KLRG1: variants seen among roughly 807,000 people sequenced by gnomAD.
KLRG1 encodes killer cell lectin-like receptor subfamily G member 1.
Under a neutral mutation model 21.8 loss-of-function variants are expected in KLRG1, and 16 were observed. The ratio of observed to expected loss-of-function variants is 0.73; its 90% confidence interval spans 0.50 to 1.11. KLRG1 has a LOEUF of 1.11. Ranked by LOEUF, KLRG1 falls within the 50% of genes most tolerant of loss-of-function variation. The pLI is 0.00. For synonymous variants in KLRG1, 69 were observed against 75.9 expected, an observed-to-expected ratio of 0.91 and a Z score of 0.47; for missense variants, 173 against 218.3, an observed-to-expected ratio of 0.79 and a Z score of 1.31.
At chr12:9,158,470 C>T in the KLRG1 span, 1 of 1,614,132 alleles carries the variant, frequency 6.2e-7, no homozygotes, top group Non-Finnish European at 8.5e-7. Context: ...CAGCCATTGT[C>T]CTTCTGCATC....
the KLRG1 span, chr12:9,101,129 G>A: frequency 1.3e-6 from 2 of 1,555,548 alleles, no homozygotes; most frequent in South Asian, 2.4e-5. Context: ...ATGCAGAGAT[G>A]ATGGAAATAC....
At chr12:9,081,147 G>A in the KLRG1 span, among the ~76,000 whole-genome samples, 1 of 152,180 alleles carries the variant, frequency 6.6e-6, no homozygotes, top group South Asian at 2.1e-4. Context: ...TAAAGAATTA[G>A]TGTCATACAA....
At chr12:9,202,762 CTA>C in the KLRG1 span, 1 of 1,375,254 alleles carries the variant, frequency 7.3e-7, no homozygotes, top group African/African-American at 1.5e-5. Flanking sequence ...TTGCTATTTC[CTA>C]TCTCTCCTTC....
the KLRG1 span, among the ~76,000 whole-genome samples, chr12:9,122,490 T>G: frequency 6.6e-6 from 1 of 152,216 alleles, no homozygotes; most frequent in African/African-American, 2.4e-5. Flanking sequence ...ATTACTCAGA[T>G]GATGCTGATG....
chr12:8,952,013 T>C (rs1805724), intron 1 of KLRG1, among the ~76,000 whole-genome samples: 55,841 of 152,110 alleles, frequency 0.37, 11,379 homozygotes, highest in Middle Eastern at 0.47. Flanking sequence ...TGTGTTAGAA[T>C]TCTCACCTCT....
chr12:8,965,646 C>A (rs1042336448), intron 1 of KLRG1, among the ~76,000 whole-genome samples: 30 of 152,116 alleles, frequency 2.0e-4, no homozygotes, highest in African/African-American at 6.5e-4. Flanking sequence ...TGAAGGACCT[C>A]TTCAAGGAGA....
chr12:9,188,503 G>T, the KLRG1 span, among the ~76,000 whole-genome samples: 1 of 152,164 alleles, frequency 6.6e-6, no homozygotes, highest in Non-Finnish European at 1.5e-5. Flanking sequence ...ATTGAACACA[G>T]TATTGGAAGT....
chr12:9,089,831 T>G, the KLRG1 span: 3 of 982,194 alleles, frequency 3.1e-6, no homozygotes, highest in Non-Finnish European at 4.3e-6. Context: ...TTATAAAATA[T>G]CCATATATTA....
At position 8,989,684 on chromosome 12, in the gene KLRG1, C is replaced by T; in HGVS notation, c.49C>T (p.Gln17Ter). Residue 17 changes from glutamine to a stop codon, truncating the protein, a stop_gained, in exon 1 of 5, where the codon CAA becomes TAA. Transcript: ENST00000356986. LOFTEE classifies it high-confidence loss of function. ...YSMLELPTAT[Q>*]AQNDYGPQQK... ...CATGTTAGAGTTGCCTACGGCAACC[C>T]AAGCCCAGAATGACTATGGACCACA... is the stretch of plus-strand genomic sequence containing the variant. The T allele has an allele frequency of 6.2e-7, 1 of 1,610,308 alleles. No individual in the cohort carries two copies. Among genetic ancestry groups the T allele is most frequent in the South Asian group, 1.1e-5 (1 of 90,776 alleles).
At chr12:8,952,066 G>A (rs777284823) in intron 1 of KLRG1, among the ~76,000 whole-genome samples, 1 of 152,288 alleles carries the variant, frequency 6.6e-6, no homozygotes, top group Non-Finnish European at 1.5e-5. Context: ...AAATTGAAAT[G>A]AGCAGAATTT....
chr12:9,208,390 C>T, the KLRG1 span: 27 of 1,490,718 alleles, frequency 1.8e-5, 1 homozygote, highest in Admixed American at 2.2e-4. Flanking sequence ...CCCTCAGCCT[C>T]GCCCTGGAGA....
the KLRG1 span, among the ~76,000 whole-genome samples, chr12:9,088,557 C>A: frequency 2.0e-5 from 3 of 152,068 alleles, no homozygotes; most frequent in African/African-American, 7.2e-5. Flanking sequence ...GAAAAACATA[C>A]TAAATTTGTA....
the KLRG1 span, among the ~76,000 whole-genome samples, chr12:9,032,137 T>C: frequency 6.6e-6 from 1 of 152,256 alleles, no homozygotes; most frequent in Non-Finnish European, 1.5e-5. Context: ...CTATGATTAA[T>C]TGATTTTTTT....
At chr12:9,005,207 G>T (rs1229026167) in intron 3 of KLRG1, among the ~76,000 whole-genome samples, 1 of 151,896 alleles carries the variant, frequency 6.6e-6, no homozygotes, top group East Asian at 2.0e-4. Context: ...CTGTCGGGGG[G>T]TGGGGGGCAA....
At chr12:9,098,455 C>T in the KLRG1 span, 1 of 558,436 alleles carries the variant, frequency 1.8e-6, no homozygotes, top group Non-Finnish European at 2.7e-6. Flanking sequence ...TATATAATTC[C>T]TTACCAATGA....
the KLRG1 span, among the ~76,000 whole-genome samples, chr12:9,138,828 A>G: frequency 1.3e-5 from 2 of 151,796 alleles, no homozygotes; most frequent in African/African-American, 4.8e-5. Flanking sequence ...GTTATAATGT[A>G]TCTTCTTTCA....
the KLRG1 span, among the ~76,000 whole-genome samples, chr12:9,035,755 C>T: frequency 1.3e-5 from 2 of 152,184 alleles, no homozygotes; most frequent in East Asian, 3.9e-4. Context: ...CCTAGATGCC[C>T]ATCAACAGTG....
At position 8,995,316 on chromosome 12, in the gene KLRG1, GGTTTTTGTTTT is replaced by G. The variant is rs757616782; in HGVS notation, c.357+40_357+50del. ...AAATGCAAACATTTAGAAAATGTAG[GGTTTTTGTTTT>G]GTTTTTGTTTTTGTTTTTAAACTGC... On this transcript the variant is annotated intron_variant, in intron 3 of 4. Coordinates refer to ENST00000356986, the MANE Select transcript of KLRG1 (RefSeq NM_005810.4). 5.7e-6 allele frequency: 9 copies of G among 1,578,118 alleles called. No homozygotes were observed. The Admixed American group carries it at 9.6e-5, about 17-fold the overall frequency.
At chr12:9,112,770 C>T in the KLRG1 span, 1 of 511,486 alleles carries the variant, frequency 2.0e-6, no homozygotes. Flanking sequence ...GAGATTCACA[C>T]CTTCATACAG....
Sources: gnomAD v4.1 joint callset for allele counts (sites outside exome capture counted in the v4.1 genomes callset) on GRCh38, gnomAD v4.1.1 for gene constraint, MANE v1.5 for transcripts, NCBI Gene and HGNC (gene_info 2026-07-23, HGNC 2026-07-21) for gene names.